The following TMPO variants were observed in gnomAD, a reference collection of about 807,000 sequenced individuals.
The protein encoded by TMPO is thymopoietin.
TMPO carries 22 observed loss-of-function variants against 45.4 expected under a neutral mutation model. The observed-to-expected ratio is 0.48, with a 90% CI of 0.35 to 0.69. TMPO has a LOEUF of 0.69. Among genes scored for constraint, TMPO ranks in the 30% least tolerant of loss-of-function variants. The pLI, the probability that TMPO is intolerant of heterozygous loss-of-function variation, is 0.01. For synonymous variants in TMPO, 241 were observed against 204.1 expected, an observed-to-expected ratio of 1.18 and a Z score of -1.54; for missense variants, 512 against 548.8, an observed-to-expected ratio of 0.93 and a Z score of 0.67.
At position 98,533,196 on chromosome 12, in the gene TMPO, G is replaced by T; in HGVS notation, c.565+1358G>T. On this transcript the variant is annotated intron_variant, in intron 3 of 8. Transcript: ENST00000556029. ...TCTCTACTGCAGCTTCTCCTTCACT[G>T]ATTAAAGAAACCACCACTGGTTACT... 27 of 1,614,034 alleles carry T rather than the reference G, an allele frequency of 1.7e-5. No homozygotes were observed. Among genetic ancestry groups the T allele is most frequent in the Non-Finnish European group, 2.3e-5 (27 of 1,180,020 alleles).
intron 8 of TMPO, among the ~76,000 whole-genome samples, chr12:98,546,676 C>T (rs1046244245): frequency 6.6e-6 from 1 of 152,102 alleles, no homozygotes; most frequent in African/African-American, 2.4e-5. Flanking sequence ...ACTCTGTCTA[C>T]CCACCGACTT....
At chr12:98,525,250 C>T (rs1876678146) in intron 1 of TMPO, among the ~76,000 whole-genome samples, 1 of 152,086 alleles carries the variant, frequency 6.6e-6, no homozygotes, top group Non-Finnish European at 1.5e-5. Flanking sequence ...TAGGTCAGTG[C>T]AATGTATGTG....
At chr12:98,533,272 C>T (rs1370213036) in intron 3 of TMPO, 1 of 1,613,842 alleles carries the variant, frequency 6.2e-7, no homozygotes, top group East Asian at 2.2e-5. Context: ...TGGAATTCAA[C>T]CATTATGTCC....
intron 3 of TMPO, among the ~76,000 whole-genome samples, chr12:98,536,603 G>A (rs1223600979): frequency 1.3e-5 from 2 of 152,030 alleles, no homozygotes; most frequent in African/African-American, 4.8e-5. Flanking sequence ...CGCCCACCTC[G>A]GCCTTCCAAA....
chr12:98,515,656 C>G lies in TMPO; in HGVS notation c.-212C>G. ...GGTTGGTGCGAGCTTCCAGCTTGGC[C>G]GCAGTTGGTTCGTAGTTCGGCTCTG... is the stretch of plus-strand genomic sequence containing the variant. On this transcript the variant is annotated 5_prime_UTR_variant, in exon 1 of 9. Coordinates refer to ENST00000556029, the MANE Select transcript of TMPO (RefSeq NM_001032283.3). The G allele has an allele frequency of 1.0e-6, 1 of 991,390 alleles. No homozygotes were observed. Among genetic ancestry groups the G allele is most frequent in the Non-Finnish European group, 1.5e-6 (1 of 687,084 alleles). 61.4% of individuals were successfully genotyped at this position (991,390 alleles called of 1,614,324 possible).
At chr12:98,525,007 A>G (rs1337672391) in intron 1 of TMPO, among the ~76,000 whole-genome samples, 1 of 152,236 alleles carries the variant, frequency 6.6e-6, no homozygotes, top group Non-Finnish European at 1.5e-5. Context: ...TGTACAAATA[A>G]TTTGAACCTG....
At chr12:98,534,202 G>A (rs1877420723) in intron 3 of TMPO, 1 of 1,613,964 alleles carries the variant, frequency 6.2e-7, no homozygotes, top group East Asian at 2.2e-5. Context: ...TGCCACTGTA[G>A]GTCGTCGATA....
At chr12:98,539,448 A>T (rs1270692876) in intron 4 of TMPO, among the ~76,000 whole-genome samples, 1 of 146,666 alleles carries the variant, frequency 6.8e-6, no homozygotes, top group Non-Finnish European at 1.5e-5. Flanking sequence ...TCATCACCCC[A>T]CACCCTCCAG....
In TMPO at chr12:98,540,187, A is replaced by G. The variant is rs556752000; in HGVS notation, c.663+2615A>G. ...ATTTGTTAGGTTGCTTCTTTATGTC[A>G]TTTAATTAGCTTCTCTATACGCTGC... On this transcript the variant is annotated intron_variant, in intron 4 of 8. Coordinates refer to ENST00000556029, the MANE Select transcript of TMPO (RefSeq NM_001032283.3). Among the ~76,000 whole-genome samples, 31 of 152,278 alleles carry G rather than the reference A, an allele frequency of 2.0e-4. No homozygotes were observed. The South Asian group carries it at 6.2e-3, about 30-fold the overall frequency.
At chr12:98,516,301 G>T in intron 1 of TMPO, 155 bp downstream of exon 1, 1 of 1,235,096 alleles carries the variant, frequency 8.1e-7, no homozygotes, top group South Asian at 3.8e-5. Context: ...TCCCCGCGGG[G>T]CTGCAGGCGC....
At chr12:98,517,272 C>G (rs1875928926) in intron 1 of TMPO, among the ~76,000 whole-genome samples, 1 of 152,224 alleles carries the variant, frequency 6.6e-6, no homozygotes, top group Non-Finnish European at 1.5e-5. Context: ...CTGGTTAAAT[C>G]TCAAATCGGC....
Position 98,517,021 on chromosome 12 carries a change from G to T in TMPO, c.279+875G>T, listed in dbSNP as rs533386450. Among the ~76,000 whole-genome samples the T allele has an allele frequency of 2.5e-3, 380 of 152,270 alleles. 2 individuals carry two copies. Among genetic ancestry groups the T allele is most frequent in the Non-Finnish European group, 3.4e-3 (230 of 68,020 alleles). ...AGACGGGGTTTCTCCAAGTTGGTCAGGCTGGTCTCGAACTCCTGACCTCAG... is the reference window on the plus strand; with the variant it reads ...AGACGGGGTTTCTCCAAGTTGGTCATGCTGGTCTCGAACTCCTGACCTCAG... On this transcript the variant is annotated intron_variant, in intron 1 of 8. Transcript: ENST00000556029.
intron 1 of TMPO, among the ~76,000 whole-genome samples, chr12:98,521,592 A>AAACTACCT (rs1214349903): frequency 1.3e-5 from 2 of 152,166 alleles, no homozygotes; most frequent in Non-Finnish European, 1.5e-5. Flanking sequence ...TTAGGTGTTG[A>AAACTACCT]AACTACCTAG....
Position 98,516,285 on chromosome 12 carries a change from G to A in TMPO, c.279+139G>A, listed in dbSNP as rs1459119693. On this transcript the variant is annotated intron_variant, in intron 1 of 8. Transcript: ENST00000556029. Reference sequence around the variant, plus strand: ...GGCTGTCCCTGCGCCCCCTCGCGTCGCCCCTTCCCCGCGGGGCTGCAGGCG... The same window carrying A: ...GGCTGTCCCTGCGCCCCCTCGCGTCACCCCTTCCCCGCGGGGCTGCAGGCG... 4 of 1,242,840 alleles carry A rather than the reference G, an allele frequency of 3.2e-6. No homozygotes were observed. The East Asian group carries it at 1.3e-4, about 41-fold the overall frequency. The allele number at this position is 1,242,840 out of a possible 1,614,324, so 77.0% of individuals were successfully genotyped here.
At chr12:98,525,332 A>T (rs1876683716) in intron 1 of TMPO, among the ~76,000 whole-genome samples, 1 of 152,202 alleles carries the variant, frequency 6.6e-6, no homozygotes, top group African/African-American at 2.4e-5. Context: ...TCGTAAGTTG[A>T]CATAATTGTT....
In TMPO at chr12:98,524,433, G is replaced by A. The variant is rs377550511; in HGVS notation, c.280-3453G>A. ...CTGAAAGTACAAAAATTAGCTGGGC[G>A]TGGTGGCATGCACCTGTAGTCCCAG... On this transcript the variant is annotated intron_variant, in intron 1 of 8. Transcript: ENST00000556029. Among the ~76,000 whole-genome samples the A allele has an allele frequency of 1.2e-4, 18 of 152,172 alleles. 1 individual carries two copies. In the South Asian group the frequency reaches 2.7e-3, roughly 23 times the overall value.
In TMPO at chr12:98,532,839, C is replaced by T. The variant is rs1565810874; in HGVS notation, c.565+1001C>T. ...CCTCTACAGGAAAGAAGAAAGAACA[C>T]AAGAAAGTGAAGTCCACTAGGGATA... On this transcript the variant is annotated intron_variant, in intron 3 of 8. Coordinates refer to ENST00000556029, the MANE Select transcript of TMPO (RefSeq NM_001032283.3). The T allele has an allele frequency of 1.2e-6, 2 of 1,614,142 alleles. No homozygotes were observed. Among genetic ancestry groups the T allele is most frequent in the Non-Finnish European group, 1.7e-6 (2 of 1,180,004 alleles).
chr12:98,525,512 G>A (rs1051510487), intron 1 of TMPO, among the ~76,000 whole-genome samples: 2 of 152,060 alleles, frequency 1.3e-5, no homozygotes, highest in African/African-American at 4.8e-5. Flanking sequence ...AGGCTCAGGC[G>A]GGCATAACAT....
At chr12:98,519,843 G>A (rs1279396088) in intron 1 of TMPO, among the ~76,000 whole-genome samples, 2 of 152,044 alleles carry the variant, frequency 1.3e-5, no homozygotes, top group Non-Finnish European at 2.9e-5. Context: ...AATAATTTAT[G>A]TGTAAAATTA....
Sources: gnomAD v4.1 joint callset for allele counts (sites outside exome capture counted in the v4.1 genomes callset) on GRCh38, gnomAD v4.1.1 for gene constraint, MANE v1.5 for transcripts, NCBI Gene and HGNC (gene_info 2026-07-23, HGNC 2026-07-21) for gene names.